SLC4A5: variants seen among roughly 807,000 people sequenced by gnomAD.
The protein encoded by SLC4A5 is electrogenic sodium bicarbonate cotransporter 4.
In SLC4A5, 96 loss-of-function variants were observed where a neutral mutation model predicts 120.4. The ratio of observed to expected loss-of-function variants is 0.80; its 90% confidence interval spans 0.68 to 0.94. The LOEUF (loss-of-function observed/expected upper bound fraction) is 0.94. Among genes scored for constraint, SLC4A5 ranks in the 40% least tolerant of loss-of-function variants. The pLI, the probability that SLC4A5 is intolerant of heterozygous loss-of-function variation, is 0.00. For synonymous variants in SLC4A5, 550 were observed against 571.1 expected (o/e 0.96, Z 0.53); for missense variants, 1,259 against 1,459.5 (o/e 0.86, Z 2.24).
chr2:74,322,703 G>T (rs1673125907), intron 5 of SLC4A5, among the ~76,000 whole-genome samples: 1 of 151,980 alleles, frequency 6.6e-6, no homozygotes, highest in South Asian at 2.1e-4. Flanking sequence ...ATAACTAAGA[G>T]GTCTCCCCAA....
chr2:74,227,963 A>C, intron 25 of SLC4A5, 85 bp from the exon 26 acceptor site: 1 of 963,480 alleles, frequency 1.0e-6, no homozygotes, highest in Admixed American at 3.1e-5. Context: ...GCTCCTGACC[A>C]CAGAGGCAGC....
chr2:74,235,184 C>T, exon 22 of SLC4A5: 1 of 1,614,056 alleles, frequency 6.2e-7, no homozygotes, highest in Non-Finnish European at 8.5e-7. Context: ...ATGGAGAAAA[C>T]AATGGAAAAG....
intron 12 of SLC4A5, among the ~76,000 whole-genome samples, chr2:74,257,247 C>CA (rs139455226): frequency 0.14 from 20,344 of 147,472 alleles, 1,654 homozygotes; most frequent in East Asian, 0.24. Context: ...TCCAATCAGA[C>CA]AAAAAAAAAA....
intron 8 of SLC4A5, among the ~76,000 whole-genome samples, chr2:74,270,928 A>C (rs986270295): frequency 6.6e-6 from 1 of 152,220 alleles, no homozygotes; most frequent in Non-Finnish European, 1.5e-5. Flanking sequence ...AATGGCTCCA[A>C]GAACACTAGC....
At chr2:74,324,747 A>T (rs1481258607) in intron 5 of SLC4A5, among the ~76,000 whole-genome samples, 2 of 152,098 alleles carry the variant, frequency 1.3e-5, no homozygotes, top group Non-Finnish European at 2.9e-5. Flanking sequence ...TGTCTCCCCA[A>T]GCCTCTGAAG....
intron 23 of SLC4A5, 58 bp downstream of exon 23, chr2:74,233,342 GCT>G (rs1670157976): frequency 1.3e-6 from 2 of 1,579,160 alleles, no homozygotes; most frequent in Non-Finnish European, 1.7e-6. Flanking sequence ...TCCTTCCTTC[GCT>G]CTTTCTGACT....
intron 5 of SLC4A5, among the ~76,000 whole-genome samples, chr2:74,318,146 T>C (rs547312608): frequency 1.3e-5 from 2 of 151,962 alleles, no homozygotes; most frequent in African/African-American, 2.4e-5. Flanking sequence ...AAAAAAAATA[T>C]TGCACACTGC....
At chr2:74,219,175 A>AGGTGTGTGTG (rs1161533375) in intron 30 of SLC4A5, among the ~76,000 whole-genome samples, 1 of 99,702 alleles carries the variant, frequency 1.0e-5, no homozygotes, top group African/African-American at 3.9e-5. Context: ...TGCTCTTTGG[A>AGGTGTGTGTG]GGTGTGTGTG....
chr2:74,285,803 C>G (rs1333419701), exon 8 of SLC4A5: 1 of 1,612,082 alleles, frequency 6.2e-7, no homozygotes, highest in South Asian at 1.1e-5. Flanking sequence ...CATCTGGTCT[C>G]CGTCATGCTG....
intron 6 of SLC4A5, chr2:74,307,426 G>C (rs1672677982): frequency 4.7e-6 from 3 of 635,772 alleles, no homozygotes; most frequent in Non-Finnish European, 8.8e-6. Context: ...TCCAGCTACA[G>C]CCGAGTGACA....
intron 14 of SLC4A5, among the ~76,000 whole-genome samples, chr2:74,253,851 C>G (rs897635286): frequency 6.6e-6 from 1 of 152,138 alleles, no homozygotes; most frequent in African/African-American, 2.4e-5. Flanking sequence ...GTTAGCATCA[C>G]TCGTAGGAAT....
intron 5 of SLC4A5, among the ~76,000 whole-genome samples, chr2:74,325,712 A>G (rs1673200756): frequency 6.6e-6 from 1 of 152,222 alleles, no homozygotes; most frequent in East Asian, 1.9e-4. Context: ...TATAATTTTC[A>G]CCCACATTTT....
chr2:74,260,033 G>A (rs1671086520), intron 11 of SLC4A5, among the ~76,000 whole-genome samples: 1 of 152,214 alleles, frequency 6.6e-6, no homozygotes, highest in African/African-American at 2.4e-5. Context: ...GAATTTGCTG[G>A]AGGGGGAGCA....
chr2:74,325,877 G>C (rs1005969065), intron 5 of SLC4A5, among the ~76,000 whole-genome samples: 1 of 147,122 alleles, frequency 6.8e-6, no homozygotes, highest in African/African-American at 2.5e-5. Context: ...GAGGGGGAAA[G>C]GGGAAGGGGA....
intron 19 of SLC4A5, among the ~76,000 whole-genome samples, chr2:74,246,135 A>G (rs1445104589): frequency 6.6e-6 from 1 of 152,220 alleles, no homozygotes; most frequent in Non-Finnish European, 1.5e-5. Flanking sequence ...GGAGGCTCAG[A>G]TGCTATGGGA....
chr2:74,242,158 G>T, intron 19 of SLC4A5, 106 bp from the exon 20 acceptor site: 1 of 1,047,282 alleles, frequency 9.5e-7, no homozygotes, highest in Non-Finnish European at 1.4e-6. Context: ...CCAAGGCCTG[G>T]CTTCCATTGT....
chr2:74,235,963 T>G (rs950699471), intron 21 of SLC4A5, among the ~76,000 whole-genome samples: 1 of 152,262 alleles, frequency 6.6e-6, no homozygotes, highest in Non-Finnish European at 1.5e-5. Flanking sequence ...GAAGGCAATT[T>G]GAAGGGCAGG....
intron 25 of SLC4A5, among the ~76,000 whole-genome samples, 169 bp downstream of exon 25, chr2:74,231,067 A>C (rs1670064561): frequency 6.6e-6 from 1 of 152,092 alleles, no homozygotes; most frequent in Non-Finnish European, 1.5e-5. Context: ...TCGGCCTCCC[A>C]AAGTGCTGGG....
rs752909144 is a variant in SLC4A5 at position 74,227,132 on chromosome 2, T to G, written c.2917-2A>C. The G allele has an allele frequency of 9.3e-6, 15 of 1,607,700 alleles. No homozygotes were observed. The highest frequency in any genetic ancestry group is 1.3e-5 in the Non-Finnish European group (15 of 1,177,008). ...GAAGAGCTTGCAGCGTTCCCAGAACTAGGGGGACAGCGGGGGCTCAGCCAG... is the reference window on the plus strand; with the variant it reads ...GAAGAGCTTGCAGCGTTCCCAGAACGAGGGGGACAGCGGGGGCTCAGCCAG... On this transcript the variant is annotated splice_acceptor_variant, in intron 26 of 30. Transcript: ENST00000394019. LOFTEE classifies it high-confidence loss of function.
Sources: allele counts gnomAD v4.1 joint callset (sites outside exome capture counted in the v4.1 genomes callset), GRCh38; gene constraint gnomAD v4.1.1; transcripts MANE v1.5; gene names NCBI Gene and HGNC (gene_info 2026-07-23, HGNC 2026-07-21).